The following GGA2 variants were observed in gnomAD, a reference collection of about 807,000 sequenced individuals.
The protein encoded by GGA2 is ADP-ribosylation factor-binding protein GGA2.
GGA2 carries 48 observed loss-of-function variants against 79.5 expected under a neutral mutation model. That is an observed-to-expected ratio of 0.60 (90% CI 0.48 to 0.77). The LOEUF is 0.77. Among genes scored for constraint, GGA2 ranks in the 30% least tolerant of loss-of-function variants. GGA2 has a pLI of 0.00. For missense variants in GGA2, 770 were observed against 774.0 expected, an observed-to-expected ratio of 0.99 and a Z score of 0.06; for synonymous variants, 317 against 302.0, an observed-to-expected ratio of 1.05 and a Z score of -0.51.
intron 14 of GGA2, among the ~76,000 whole-genome samples, chr16:23,473,423 G>A (rs1964540005): frequency 8.0e-6 from 1 of 125,684 alleles, no homozygotes; most frequent in Non-Finnish European, 1.6e-5. Context: ...TGCAACTTCT[G>A]CCATCTGGGT....
rs780516710 is a variant in GGA2, at chr16:23,486,097, C to T, written c.716G>A (p.Arg239Gln). ...SKRVSAVEEV[R>Q]SHVKVLQEML... ...CTCCTGCAGCACCTTCACATGGCTT[C>T]GCACTTCCTCCACCGCACTGACCCT... The change falls in exon 8 of 17, where the codon CGA becomes CAA. Residue 239 changes from arginine (R) to glutamine (Q), a missense_variant. Transcript: ENST00000309859. 6.8e-6 allele frequency: 11 copies of T among 1,613,784 alleles called. No individual in the cohort carries two copies. Among genetic ancestry groups the T allele is most frequent in the African/African-American group, 4.0e-5 (3 of 74,930 alleles).
In GGA2 at chr16:23,465,467, T is replaced by TG; in HGVS notation, c.*2122_*2123insC. 1 of 701,120 alleles carries TG rather than the reference T, an allele frequency of 1.4e-6. No homozygotes were observed. The highest frequency in any genetic ancestry group is 2.6e-6 in the Non-Finnish European group (1 of 383,950). 43.4% of individuals were successfully genotyped at this position (701,120 alleles called of 1,614,324 possible). A position where few individuals can be genotyped will look rare whatever the true frequency, so the allele number is the denominator to read the frequency against. ...ATAGTAGTACCACTGGGAGTCTGTC[T>TG]CCTCAAAAGCAAGAATGTTCAGGTA... On this transcript the variant is annotated 3_prime_UTR_variant, in exon 17 of 17. Coordinates refer to ENST00000309859, the MANE Select transcript of GGA2 (RefSeq NM_015044.4).
At chr16:23,498,613 G>A (rs1441990707) in intron 1 of GGA2, among the ~76,000 whole-genome samples, 1 of 152,078 alleles carries the variant, frequency 6.6e-6, no homozygotes, top group East Asian at 1.9e-4. Context: ...CTTCCTCATG[G>A]GACTGTCATG....
At chr16:23,476,480 C>T (rs1964578203) in intron 13 of GGA2, among the ~76,000 whole-genome samples, 1 of 152,138 alleles carries the variant, frequency 6.6e-6, no homozygotes, top group African/African-American at 2.4e-5. Context: ...CCCCAAGCAC[C>T]TCCAAACCAG....
chr16:23,498,419 C>A (rs1964882229), intron 1 of GGA2, among the ~76,000 whole-genome samples: 2 of 151,870 alleles, frequency 1.3e-5, no homozygotes. Flanking sequence ...CAAAATGAGA[C>A]CCCGTCTCAA....
chr16:23,517,821 G>A (rs1428366684), intron 2 of GGA2, among the ~76,000 whole-genome samples: 3 of 151,986 alleles, frequency 2.0e-5, no homozygotes, highest in East Asian at 3.9e-4. Context: ...GGATGGTCTC[G>A]ATTTCCTAAC....
At chr16:23,476,121 A>G (rs572568452) in intron 13 of GGA2, among the ~76,000 whole-genome samples, 83 of 152,338 alleles carry the variant, frequency 5.4e-4, no homozygotes, top group African/African-American at 2.0e-3. Context: ...TGATACACAA[A>G]TTATACCAGC....
At chr16:23,514,983 G>C (rs1258598018), upstream of GGA2, among the ~76,000 whole-genome samples, 6 of 152,094 alleles carry the variant, frequency 3.9e-5, no homozygotes. Context: ...ATGGTCTGGA[G>C]ACCACAACAG....
intron 1 of GGA2, among the ~76,000 whole-genome samples, 159 bp from the exon 2 acceptor site, chr16:23,495,937 C>T (rs934999858): frequency 2.6e-5 from 4 of 152,154 alleles, no homozygotes; most frequent in Admixed American, 1.3e-4. Flanking sequence ...CGCTGCCTAC[C>T]ACCACCCAGC....
intron 1 of GGA2, among the ~76,000 whole-genome samples, chr16:23,506,098 A>G (rs1431979574): frequency 6.6e-6 from 1 of 152,132 alleles, no homozygotes; most frequent in Non-Finnish European, 1.5e-5. Flanking sequence ...AACAACCCTA[A>G]GAAGAGGTTT....
At position 23,510,412 on chromosome 16, in the gene GGA2, C is replaced by A; in HGVS notation, c.-1G>T. 2 of 1,279,664 alleles carry A rather than the reference C, an allele frequency of 1.6e-6. No homozygotes were observed. Among genetic ancestry groups the A allele is most frequent in the Admixed American group, 3.8e-5 (1 of 26,494 alleles). 79.3% of individuals were successfully genotyped at this position (1,279,664 alleles called of 1,614,324 possible). ...CCGCCGCCACCGCGGTCGCCGCCAT[C>A]GCTCCAGCCCCGACGCTGCGGCCGC... On this transcript the variant is annotated 5_prime_UTR_variant, in exon 1 of 17. Coordinates refer to ENST00000309859, the MANE Select transcript of GGA2 (RefSeq NM_015044.4).
At position 23,467,358 on chromosome 16, in the gene GGA2, C is replaced by T. The variant is rs998646428; in HGVS notation, c.*232G>A. On this transcript the variant is annotated 3_prime_UTR_variant, in exon 17 of 17. Coordinates refer to ENST00000309859, the MANE Select transcript of GGA2 (RefSeq NM_015044.4). ...TCGCATTTCCCACACTGCCGATATCCCAAGCCCTGTGCTACCACCCTCTCC... is the reference window on the plus strand; with the variant it reads ...TCGCATTTCCCACACTGCCGATATCTCAAGCCCTGTGCTACCACCCTCTCC... The T allele has an allele frequency of 2.0e-6, 1 of 497,572 alleles. No homozygotes were observed. The highest frequency in any genetic ancestry group is 3.4e-5 in the Admixed American group (1 of 29,316). The allele number at this position is 497,572 out of a possible 1,614,324, so 30.8% of individuals were successfully genotyped here. A position where few individuals can be genotyped will look rare whatever the true frequency, so the allele number is the denominator to read the frequency against.
intron 1 of GGA2, among the ~76,000 whole-genome samples, chr16:23,503,124 G>A (rs1209910193): frequency 6.6e-6 from 1 of 152,132 alleles, no homozygotes; most frequent in Non-Finnish European, 1.5e-5. Context: ...CCTTTTATCG[G>A]GAACAATAGG....
chr16:23,486,120 C>G lies in GGA2; in HGVS notation c.693G>C (p.Arg231Ser), dbSNP rs745736973. Residue 231 changes from arginine (R) to serine (S), a missense_variant, in exon 8 of 17, where the codon AGG (arginine) becomes AGC (serine). Physicochemically the swap from Arg to Ser is moderately radical, Grantham distance 110. Transcript: ENST00000309859. The stretch of plus-strand genomic sequence containing the variant: ...TTCGCACTTCCTCCACCGCACTGAC[C>G]CTCTTGGACACCTTCTCCGATTTTT... ...EQEKSEKVSK[R>S]VSAVEEVRSH... is the part of the protein sequence containing the mutation. The G allele has an allele frequency of 6.2e-6, 10 of 1,613,738 alleles. No homozygotes were observed. Among genetic ancestry groups the G allele is most frequent in the Non-Finnish European group, 8.5e-6 (10 of 1,179,742 alleles).
chr16:23,492,690 T>C (rs1203815923), intron 4 of GGA2, among the ~76,000 whole-genome samples: 1 of 152,110 alleles, frequency 6.6e-6, no homozygotes, highest in Non-Finnish European at 1.5e-5. Context: ...CTTTCCTGTG[T>C]ACGTGAATCA....
rs946774538 is a variant in GGA2, at chr16:23,486,734, C to A, written c.636G>T (p.Arg212=). 3 of 1,609,930 alleles carry A rather than the reference C, an allele frequency of 1.9e-6. No individual in the cohort carries two copies. In the African/African-American group the frequency reaches 4.0e-5, roughly 22 times the overall value. ...NHPEDLQAAN[R]LIKNLVKEEQ... The stretch of plus-strand genomic sequence containing the variant: ...CCTCCTTGACCAAATTCTTGATTAA[C>A]CGGTTTGCAGCCTGAAGGTCCTCGG... The change falls in exon 7 of 17, where the codon CGG becomes CGT. Residue 212 remains arginine, a synonymous_variant. Coordinates refer to ENST00000309859, the MANE Select transcript of GGA2 (RefSeq NM_015044.4).
intron 1 of GGA2, chr16:23,500,862 GCTT>G (rs962216133): frequency 1.1e-5 from 2 of 188,198 alleles, no homozygotes; most frequent in Non-Finnish European, 2.2e-5. Flanking sequence ...GGGAAAGTAC[GCTT>G]TTTTTGAGAA....
chr16:23,513,019 AATAC>A (rs1287552350), upstream of GGA2, among the ~76,000 whole-genome samples: 2 of 152,062 alleles, frequency 1.3e-5, no homozygotes, highest in African/African-American at 2.4e-5. Context: ...TAAAATCTTT[AATAC>A]ATATTTATCT....
intron 1 of GGA2, chr16:23,501,432 A>C: frequency 2.3e-6 from 1 of 436,352 alleles, no homozygotes; most frequent in Non-Finnish European, 4.6e-6. Context: ...GAGCTACTTG[A>C]GTTTAATATT....
Sources: allele counts gnomAD v4.1 joint callset (sites outside exome capture counted in the v4.1 genomes callset), GRCh38; gene constraint gnomAD v4.1.1; transcripts MANE v1.5; gene names NCBI Gene and HGNC (gene_info 2026-07-23, HGNC 2026-07-21).